ZBTB7A: variants seen among roughly 807,000 people sequenced by gnomAD.
ZBTB7A encodes the protein zinc finger and BTB domain containing 7A, also known as zinc finger and BTB domain-containing protein 7A.
A neutral mutation model predicts 26.7 loss-of-function variants in ZBTB7A; 7 were observed. The observed-to-expected ratio is 0.26, with a 90% CI of 0.15 to 0.49. The LOEUF (loss-of-function observed/expected upper bound fraction) is 0.49. ZBTB7A is among the 20% of genes least tolerant of loss of function. The probability of loss-of-function intolerance (pLI) is 0.98; values close to 1 mark genes in which losing one functional copy is unlikely to be tolerated. For missense variants in ZBTB7A, 617 were observed against 919.5 expected (o/e 0.67, Z 4.25); for synonymous variants, 452 against 441.0 (o/e 1.02, Z -0.31).
chr19:4,065,475 G>C (rs1234218299), intron 1 of ZBTB7A: 1 of 146,208 alleles, frequency 6.8e-6, no homozygotes. Flanking sequence ...CGGCGGCGGC[G>C]GTGGCGGCGG....
rs2040449885 is a variant in ZBTB7A at position 4,048,268 on chromosome 19, C to A, written c.1263-24G>T. 1 of 1,554,922 alleles carries A rather than the reference C, an allele frequency of 6.4e-7. No homozygotes were observed. The highest frequency in any genetic ancestry group is 8.6e-7 in the Non-Finnish European group (1 of 1,159,002). ...GCCTGTGGACGGGGCACGGGGCGGGCACGGTCAGTGGGGCCGGGGACCCCC... is the reference window on the plus strand; with the variant it reads ...GCCTGTGGACGGGGCACGGGGCGGGAACGGTCAGTGGGGCCGGGGACCCCC... On this transcript the variant is annotated intron_variant, in intron 2 of 2. Coordinates refer to ENST00000322357, the MANE Select transcript of ZBTB7A (RefSeq NM_015898.4). The surrounding 1 kb of genome is among the most constrained non-coding windows in gnomAD (Gnocchi z 6.7).
chr19:4,048,092 C>G lies in ZBTB7A; in HGVS notation c.1415G>C (p.Cys472Ser), dbSNP rs773100200. ...GLRPYQCDSC[C>S]KTFVRSDHLH... The stretch of plus-strand genomic sequence containing the variant: ...GTGGTCGGAGCGGACGAAGGTCTTG[C>G]AGCAGCTGTCGCACTGGTAGGGGCG... Residue 472 changes from cysteine (C) to serine (S), a missense_variant, in exon 3 of 3, where the codon TGC (cysteine) becomes TCC (serine). Coordinates refer to ENST00000322357, the MANE Select transcript of ZBTB7A (RefSeq NM_015898.4). The surrounding 1 kb of genome is among the most constrained non-coding windows in gnomAD (Gnocchi z 6.7). The G allele has an allele frequency of 8.7e-6, 14 of 1,609,614 alleles. No individual in the cohort carries two copies. Among genetic ancestry groups the G allele is most frequent in the Non-Finnish European group, 1.1e-5 (13 of 1,178,632 alleles).
rs1464202442 is a variant in ZBTB7A, at chr19:4,048,678, AAAAAC to A, written c.1263-439_1263-435del. Among the ~76,000 whole-genome samples, 1 of 141,438 alleles carries A rather than the reference AAAAAC, an allele frequency of 7.1e-6. No homozygotes were observed. The highest frequency in any genetic ancestry group is 1.5e-5 in the Non-Finnish European group (1 of 64,842). 92.8% of individuals were successfully genotyped at this position (141,438 alleles called of 152,430 possible). ...AAACCCTGTCTCTACTAAAAAAACA[AAAAAC>A]AAAAAAACAAAAAACAAAAATCAGC... On this transcript the variant is annotated intron_variant, in intron 2 of 2. Coordinates refer to ENST00000322357, the MANE Select transcript of ZBTB7A (RefSeq NM_015898.4). This position sits in a 1 kb window ranked among gnomAD's most constrained non-coding sequence, Gnocchi z 6.7.
Position 4,044,168 on chromosome 19 carries a change from G to T in ZBTB7A, c.*3584C>A, listed in dbSNP as rs537480949. Reference sequence around the variant, plus strand: ...TCCCTGCAGCCGCCCACTTCCAGGGGAAGACCCTGGAAGAGGCTGGGGGAC... The same window carrying T: ...TCCCTGCAGCCGCCCACTTCCAGGGTAAGACCCTGGAAGAGGCTGGGGGAC... On this transcript the variant is annotated 3_prime_UTR_variant, in exon 3 of 3. Coordinates refer to ENST00000322357, the MANE Select transcript of ZBTB7A (RefSeq NM_015898.4). 9.9e-5 allele frequency among the ~76,000 whole-genome samples: 15 copies of T among 151,834 alleles called. No homozygotes were observed. Among genetic ancestry groups the T allele is most frequent in the African/African-American group, 3.6e-4 (15 of 41,422 alleles).
At chr19:4,049,314 GGT>G (rs72111320) in intron 2 of ZBTB7A, among the ~76,000 whole-genome samples, 7,481 of 148,816 alleles carry the variant, frequency 0.05, 627 homozygotes, top group African/African-American at 0.17. Context: ...TAGGATTACA[GGT>G]GTGAGCCACT....
rs983816786 is a variant in ZBTB7A at position 4,046,645 on chromosome 19, T to C, written c.*1107A>G. The C allele has an allele frequency of 1.3e-4, 19 of 150,208 alleles. No homozygotes were observed. Among genetic ancestry groups the C allele is most frequent in the African/African-American group, 3.9e-4 (16 of 41,002 alleles). The allele number at this position is 150,208 out of a possible 1,614,324, so 9.3% of individuals were successfully genotyped here. Reference sequence around the variant, plus strand: ...AGTTTGTTTTATTGCTTTTGTGACATTGGAATTTGTGGATTTTCTCTCTCT... The same window carrying C: ...AGTTTGTTTTATTGCTTTTGTGACACTGGAATTTGTGGATTTTCTCTCTCT... On this transcript the variant is annotated 3_prime_UTR_variant, in exon 3 of 3. Transcript: ENST00000322357.
chr19:4,048,683 CA>C lies in ZBTB7A; in HGVS notation c.1263-440del, dbSNP rs869154653. ...CTGTCTCTACTAAAAAAACAAAAAACAAAAAAACAAAAAACAAAAATCAGCC... is the reference window on the plus strand; with the variant it reads ...CTGTCTCTACTAAAAAAACAAAAAACAAAAAACAAAAAACAAAAATCAGCC... On this transcript the variant is annotated intron_variant, in intron 2 of 2. Transcript: ENST00000322357. This position sits in a 1 kb window ranked among gnomAD's most constrained non-coding sequence, Gnocchi z 6.7. 1.4e-5 allele frequency among the ~76,000 whole-genome samples: 2 copies of C among 142,210 alleles called. No individual in the cohort carries two copies. The highest frequency in any genetic ancestry group is 5.5e-5 in the African/African-American group (2 of 36,464). The allele number at this position is 142,210 out of a possible 152,430, so 93.3% of individuals were successfully genotyped here. A position where few individuals can be genotyped will look rare whatever the true frequency, so the allele number is the denominator to read the frequency against.
rs574043110 is a variant in ZBTB7A, at chr19:4,047,919, G to A, written c.1588C>T (p.Arg530Trp). 7.3e-6 allele frequency: 11 copies of A among 1,516,912 alleles called. No individual in the cohort carries two copies. Among genetic ancestry groups the A allele is most frequent in the East Asian group, 5.4e-5 (2 of 36,832 alleles). 94.0% of individuals were successfully genotyped at this position (1,516,912 alleles called of 1,614,324 possible). A position where few individuals can be genotyped will look rare whatever the true frequency, so the allele number is the denominator to read the frequency against. Residue 530 changes from arginine (R) to tryptophan (W), a missense_variant, in exon 3 of 3, where the codon CGG becomes TGG. By Grantham distance (101) the Arg-to-Trp change is moderately radical (BLOSUM62 -3). Around this residue, in one of 5 missense-constraint regions of ZBTB7A, gnomAD observed 136 missense variants for 126.6 expected, o/e 1.07. Coordinates refer to ENST00000322357, the MANE Select transcript of ZBTB7A (RefSeq NM_015898.4). ...APAQPSSPDA[R>W]RNGQEKHFKD... ...AAGTGCTTCTCCTGGCCGTTGCGCC[G>A]GGCGTCGGGGGAGCTGGGCTGGGCG... is the stretch of plus-strand genomic sequence containing the variant.
At chr19:4,049,955 G>A (rs1022583583) in intron 2 of ZBTB7A, among the ~76,000 whole-genome samples, 1 of 151,690 alleles carries the variant, frequency 6.6e-6, no homozygotes, top group African/African-American at 2.4e-5. Flanking sequence ...ACCGAGTCTC[G>A]CTCTATCTTC....
At chr19:4,050,189 C>T (rs989843411) in intron 2 of ZBTB7A, among the ~76,000 whole-genome samples, 5 of 151,606 alleles carry the variant, frequency 3.3e-5, no homozygotes, top group Non-Finnish European at 4.4e-5. Flanking sequence ...CCTCCCCAAA[C>T]GCTGGGATTA....
rs1196780897 is a variant in ZBTB7A at position 4,045,569 on chromosome 19, TGAAA to T, written c.*2179_*2182del. ...TTCTTAAAAAGCTTCCCTTTAACAA[TGAAA>T]GAAAAAGAGACGAGAAGATGTGTGT... is the stretch of plus-strand genomic sequence containing the variant. On this transcript the variant is annotated 3_prime_UTR_variant, in exon 3 of 3. Coordinates refer to ENST00000322357, the MANE Select transcript of ZBTB7A (RefSeq NM_015898.4). This position sits in a 1 kb window ranked among gnomAD's most constrained non-coding sequence, Gnocchi z 4.1. 5.3e-6 allele frequency: 1 copy of T among 190,350 alleles called. No individual in the cohort carries two copies. Among genetic ancestry groups the T allele is most frequent in the Non-Finnish European group, 9.3e-6 (1 of 107,080 alleles). 11.8% of individuals were successfully genotyped at this position (190,350 alleles called of 1,614,324 possible). A position where few individuals can be genotyped will look rare whatever the true frequency, so the allele number is the denominator to read the frequency against.
In ZBTB7A at chr19:4,054,587, C is replaced by G; in HGVS notation, c.646G>C (p.Gly216Arg). 1.3e-6 allele frequency: 2 copies of G among 1,561,468 alleles called. No individual in the cohort carries two copies. Among genetic ancestry groups the G allele is most frequent in the Non-Finnish European group, 1.7e-6 (2 of 1,161,634 alleles). Residue 216 changes from glycine to arginine, a missense_variant, in exon 2 of 3, where the codon GGC becomes CGC. This residue lies in a region of ZBTB7A where 331 missense variants were observed against 391.3 expected (regional missense o/e 0.85). Coordinates refer to ENST00000322357, the MANE Select transcript of ZBTB7A (RefSeq NM_015898.4). ...VAAVAAGDCN[G>R]LDFYGPGPPA... ...GGGCCCGGCCCATAGAAGTCTAAGCCGTTGCAGTCGCCCGCGGCCACGGCG... is the reference window on the plus strand; with the variant it reads ...GGGCCCGGCCCATAGAAGTCTAAGCGGTTGCAGTCGCCCGCGGCCACGGCG...
chr19:4,062,517 GC>G (rs1332904522), intron 1 of ZBTB7A, among the ~76,000 whole-genome samples: 1 of 152,192 alleles, frequency 6.6e-6, no homozygotes, highest in African/African-American at 2.4e-5. Flanking sequence ...GAGCAGCTTG[GC>G]CAGGGTCGCG....
intron 1 of ZBTB7A, chr19:4,055,461 C>T: frequency 1.0e-6 from 1 of 985,428 alleles, no homozygotes; most frequent in Non-Finnish European, 1.2e-6. Flanking sequence ...TGCCTCCAGC[C>T]TCTTTTCTTT....
chr19:4,058,586 CCGG>C (rs2040607398), intron 1 of ZBTB7A, among the ~76,000 whole-genome samples: 1 of 152,238 alleles, frequency 6.6e-6, no homozygotes, highest in Non-Finnish European at 1.5e-5. Flanking sequence ...TTCCTCCAGG[CCGG>C]CCGGTGGCTC....
chr19:4,046,142 C>T lies in ZBTB7A; in HGVS notation c.*1610G>A, dbSNP rs1380101479. On this transcript the variant is annotated 3_prime_UTR_variant, in exon 3 of 3. Coordinates refer to ENST00000322357, the MANE Select transcript of ZBTB7A (RefSeq NM_015898.4). ...AGAAGCGGGCGCTAAGACCTCTTCACGTCAGAACCAAAAAAGGGGACAGAA... is the reference window on the plus strand; with the variant it reads ...AGAAGCGGGCGCTAAGACCTCTTCATGTCAGAACCAAAAAAGGGGACAGAA... 9 of 398,438 alleles carry T rather than the reference C, an allele frequency of 2.3e-5. No individual in the cohort carries two copies. Among genetic ancestry groups the T allele is most frequent in the East Asian group, 1.4e-4 (4 of 28,044 alleles). The allele number at this position is 398,438 out of a possible 1,614,324, so 24.7% of individuals were successfully genotyped here. A position where few individuals can be genotyped will look rare whatever the true frequency, so the allele number is the denominator to read the frequency against.
At chr19:4,058,377 C>A (rs1342337793) in intron 1 of ZBTB7A, among the ~76,000 whole-genome samples, 1 of 152,238 alleles carries the variant, frequency 6.6e-6, no homozygotes, top group East Asian at 1.9e-4. Context: ...GTCAAATGGG[C>A]AGAGGTTTCG....
chr19:4,059,361 T>C (rs1033566432), intron 1 of ZBTB7A, among the ~76,000 whole-genome samples: 4 of 152,048 alleles, frequency 2.6e-5, no homozygotes, highest in African/African-American at 4.8e-5. Context: ...AGTGTGAAGA[T>C]CCCAGTTCCA....
rs765785189 is a variant in ZBTB7A at position 4,048,178 on chromosome 19, G to A, written c.1329C>T (p.Cys443=). The part of the protein sequence containing the change: ...TGEKPYLCQQ[C]GAAFAHNYDL... ...CGTAGTTGTGGGCAAAGGCGGCGCC[G>A]CACTGCTGGCACAGGTACGGCTTCT... Residue 443 remains cysteine, a synonymous_variant, in exon 3 of 3, where the codon TGC becomes TGT. Transcript: ENST00000322357. This position sits in a 1 kb window ranked among gnomAD's most constrained non-coding sequence, Gnocchi z 6.7. 3 of 1,606,806 alleles carry A rather than the reference G, an allele frequency of 1.9e-6. No homozygotes were observed. The highest frequency in any genetic ancestry group is 2.5e-6 in the Non-Finnish European group (3 of 1,178,522).
Sources: allele counts gnomAD v4.1 joint callset (sites outside exome capture counted in the v4.1 genomes callset), GRCh38; gene constraint gnomAD v4.1.1; regional missense constraint gnomAD v4.1.1; non-coding constraint Gnocchi (gnomAD v3.1); transcripts MANE v1.5; gene names NCBI Gene and HGNC (gene_info 2026-07-23, HGNC 2026-07-21).